Variants in LRP1B observed in about 807,000 individuals in gnomAD.
LRP1B encodes LDL receptor related protein 1B.
LRP1B carries 217 observed loss-of-function variants against 556.6 expected under a neutral mutation model. The observed-to-expected ratio is 0.39, with a 90% CI of 0.35 to 0.44. The LOEUF is 0.44. Ranked by LOEUF, LRP1B falls within the 20% of genes least tolerant of loss-of-function variation. The probability of loss-of-function intolerance (pLI) is 1.00; values close to 1 mark genes in which losing one functional copy is unlikely to be tolerated. For synonymous variants in LRP1B, 2,047 were observed against 1,865.8 expected (o/e 1.10, Z -2.50); for missense variants, 5,053 against 5,620.8 (o/e 0.90, Z 3.23).
intron 14 of LRP1B, among the ~76,000 whole-genome samples, chr2:141,006,957 G>T (rs1481191949): frequency 6.6e-6 from 1 of 151,874 alleles, no homozygotes; most frequent in Non-Finnish European, 1.5e-5. Context: ...ATCTATAAAT[G>T]TGTCAAACTT....
At chr2:140,686,636 G>A (rs950289144) in intron 41 of LRP1B, among the ~76,000 whole-genome samples, 3 of 151,910 alleles carry the variant, frequency 2.0e-5, no homozygotes, top group African/African-American at 7.3e-5. Context: ...TTGTGAGTTG[G>A]CATTTACATA....
chr2:140,380,516 G>A (rs1268503257), intron 67 of LRP1B, among the ~76,000 whole-genome samples: 7 of 151,980 alleles, frequency 4.6e-5, no homozygotes, highest in African/African-American at 1.5e-4. Flanking sequence ...AGTGAAATAT[G>A]TTCAATTTAT....
chr2:141,288,247 A>C (rs1256676684), intron 3 of LRP1B, among the ~76,000 whole-genome samples: 1 of 151,632 alleles, frequency 6.6e-6, no homozygotes, highest in Non-Finnish European at 1.5e-5. Flanking sequence ...ACAAAAAAAA[A>C]AATTTGTTTT....
At chr2:140,904,099 G>C (rs1012788991) in intron 22 of LRP1B, among the ~76,000 whole-genome samples, 1 of 152,024 alleles carries the variant, frequency 6.6e-6, no homozygotes, top group Non-Finnish European at 1.5e-5. Flanking sequence ...CTGTTTACCA[G>C]TGTATACCTA....
chr2:141,855,255 A>G (rs905906156), intron 1 of LRP1B, among the ~76,000 whole-genome samples: 2 of 152,030 alleles, frequency 1.3e-5, no homozygotes, highest in Non-Finnish European at 2.9e-5. Flanking sequence ...GTTTCTTTTT[A>G]TCTCTGTTGT....
At chr2:141,191,555 A>G (rs1681507117) in intron 6 of LRP1B, among the ~76,000 whole-genome samples, 1 of 151,996 alleles carries the variant, frequency 6.6e-6, no homozygotes, top group Non-Finnish European at 1.5e-5. Flanking sequence ...TACAAGGATA[A>G]GCAGAAAGAA....
intron 1 of LRP1B, among the ~76,000 whole-genome samples, chr2:141,874,084 ATTTTTTTTTTTT>A (rs200281267): frequency 2.9e-5 from 3 of 103,120 alleles, no homozygotes; most frequent in East Asian, 2.6e-4. Context: ...TGAACTAACA[ATTTTTTTTTTTT>A]TTTTTTTTTT....
At chr2:141,981,850 G>C (rs1316043553) in intron 1 of LRP1B, among the ~76,000 whole-genome samples, 1 of 152,086 alleles carries the variant, frequency 6.6e-6, no homozygotes, top group Non-Finnish European at 1.5e-5. Flanking sequence ...AAAAGGAGGT[G>C]TGTCTTTCCC....
At chr2:140,891,919 C>G (rs993961115) in intron 23 of LRP1B, among the ~76,000 whole-genome samples, 2 of 151,958 alleles carry the variant, frequency 1.3e-5, no homozygotes, top group East Asian at 1.9e-4. Flanking sequence ...ATGTCAAGTT[C>G]GTGATTTGCT....
At chr2:140,743,814 G>A (rs1688219208) in intron 35 of LRP1B, among the ~76,000 whole-genome samples, 1 of 151,248 alleles carries the variant, frequency 6.6e-6, no homozygotes, top group African/African-American at 2.4e-5. Flanking sequence ...AAAAAAATTA[G>A]CCGGGCGTGG....
chr2:140,999,722 T>C (rs1296710310), intron 15 of LRP1B, among the ~76,000 whole-genome samples: 1 of 152,090 alleles, frequency 6.6e-6, no homozygotes, highest in African/African-American at 2.4e-5. Flanking sequence ...TATCTGTGGC[T>C]TCCAAGAAAC....
intron 2 of LRP1B, among the ~76,000 whole-genome samples, chr2:141,707,816 C>T (rs766061287): frequency 1.8e-4 from 27 of 152,190 alleles, no homozygotes; most frequent in Non-Finnish European, 3.7e-4. Context: ...CAGGAGACAG[C>T]CTGCCAGATT....
chr2:141,178,478 G>A (rs1680840357), intron 7 of LRP1B, among the ~76,000 whole-genome samples: 1 of 152,110 alleles, frequency 6.6e-6, no homozygotes, highest in South Asian at 2.1e-4. Context: ...TTCTTAGGTT[G>A]CTGTACAAAA....
chr2:140,761,104 C>T (rs1201434041), intron 35 of LRP1B, among the ~76,000 whole-genome samples: 1 of 152,098 alleles, frequency 6.6e-6, no homozygotes, highest in Non-Finnish European at 1.5e-5. Context: ...TAAGCTTTGT[C>T]TTTAATTTCT....
intron 84 of LRP1B, among the ~76,000 whole-genome samples, chr2:140,281,323 T>G (rs1682904167): frequency 6.6e-6 from 1 of 151,960 alleles, no homozygotes. Context: ...TATAGAAAAG[T>G]AATTGCCAAA....
At chr2:141,299,326 G>A in intron 3 of LRP1B, among the ~76,000 whole-genome samples, 1 of 152,072 alleles carries the variant, frequency 6.6e-6, no homozygotes, top group East Asian at 1.9e-4. Flanking sequence ...AACAATTGAG[G>A]ACCTCATTTC....
chr2:141,517,820 A>G (rs1299051385), intron 2 of LRP1B, among the ~76,000 whole-genome samples: 1 of 152,186 alleles, frequency 6.6e-6, no homozygotes, highest in Non-Finnish European at 1.5e-5. Context: ...CTATTATAAT[A>G]AAGAAAATTT....
At chr2:141,686,828 G>A (rs975251698) in intron 2 of LRP1B, among the ~76,000 whole-genome samples, 2 of 151,928 alleles carry the variant, frequency 1.3e-5, no homozygotes, top group East Asian at 2.0e-4. Flanking sequence ...GGGAACTGGT[G>A]GCTTTATAGG....
At chr2:140,323,408 T>TTGATTAGTGGTAAGAGTCAA (rs1680266077) in intron 81 of LRP1B, among the ~76,000 whole-genome samples, 1 of 151,952 alleles carries the variant, frequency 6.6e-6, no homozygotes, top group Non-Finnish European at 1.5e-5. Flanking sequence ...TAGTTACTTG[T>TTGATTAGTGGTAAGAGTCAA]TGATTAGTGG....
Sources: gnomAD v4.1 joint callset for allele counts (sites outside exome capture counted in the v4.1 genomes callset) on GRCh38, gnomAD v4.1.1 for gene constraint, MANE v1.5 for transcripts, NCBI Gene and HGNC (gene_info 2026-07-23, HGNC 2026-07-21) for gene names.